RIF1: variants seen among roughly 807,000 people sequenced by gnomAD.
The protein encoded by RIF1 is replication timing regulatory factor 1.
In RIF1, 45 loss-of-function variants were observed where a neutral mutation model predicts 247.1. The ratio of observed to expected loss-of-function variants is 0.18; its 90% CI spans 0.14 to 0.23. The LOEUF is 0.23. Ranked by LOEUF, RIF1 falls within the 10% of genes least tolerant of loss-of-function variation. The probability of loss-of-function intolerance (pLI) is 1.00; values close to 1 mark genes in which losing one functional copy is unlikely to be tolerated. For synonymous variants in RIF1, 1,087 were observed against 978.8 expected, an observed-to-expected ratio of 1.11 and a Z score of -2.06; for missense variants, 2,967 against 2,862.5, an observed-to-expected ratio of 1.04 and a Z score of -0.83.
At chr2:151,431,520 G>A (rs771546228) in intron 9 of RIF1, among the ~76,000 whole-genome samples, 15 of 152,174 alleles carry the variant, frequency 9.9e-5, no homozygotes, top group Non-Finnish European at 1.9e-4. Flanking sequence ...GAGTCCAGAC[G>A]TGGTGGCTCA....
intron 12 of RIF1, chr2:151,503,192 C>T: frequency 1.6e-6 from 1 of 615,588 alleles, no homozygotes; most frequent in Non-Finnish European, 2.8e-6. Context: ...AAATGTGAGT[C>T]ATTTTGTATT....
exon 14 of RIF1, chr2:151,507,838 G>C (rs1239744001): frequency 1.5e-5 from 9 of 597,372 alleles, no homozygotes; most frequent in Non-Finnish European, 2.7e-5. Context: ...TTGGGATTAA[G>C]ATACAAGGTG....
At chr2:151,453,890 A>G (rs759675959) in intron 21 of RIF1, among the ~76,000 whole-genome samples, 1 of 152,120 alleles carries the variant, frequency 6.6e-6, no homozygotes, top group Non-Finnish European at 1.5e-5. Context: ...GGATTATGCT[A>G]TTCATTCCTT....
Position 151,505,822 on chromosome 2 carries a change from C to T in RIF1, c.*862-388C>T, listed in dbSNP as rs576375058. 144 of 554,020 alleles carry T rather than the reference C, an allele frequency of 2.6e-4. 1 individual carries two copies. In the African/African-American group the frequency reaches 2.6e-3, roughly 10 times the overall value. The allele number at this position is 554,020 out of a possible 1,614,324, so 34.3% of individuals were successfully genotyped here. A position where few individuals can be genotyped will look rare whatever the true frequency, so the allele number is the denominator to read the frequency against. ...TGGGGGCCCCTATTTAGACTGCAGCCCTTTCCTGTATACTCCAATGTCTTT... is the reference window on the plus strand; with the variant it reads ...TGGGGGCCCCTATTTAGACTGCAGCTCTTTCCTGTATACTCCAATGTCTTT... On this transcript the variant is annotated intron_variant and NMD_transcript_variant, in intron 12 of 13. Coordinates refer to the RIF1 transcript ENST00000454583.
rs11549865 is a variant in RIF1 at position 151,480,753 on chromosome 2, G to A, written c.*5682G>A. On this transcript the variant is annotated 3_prime_UTR_variant, in exon 36 of 36. Coordinates refer to ENST00000444746, the MANE Select transcript of RIF1 (RefSeq NM_018151.5). ...TGATACACTATTGAATAGCTAACAA[G>A]TGTCTAAAGAATTTTTTATTTTTAT... 6.6e-6 allele frequency: 1 copy of A among 152,038 alleles called. No homozygotes were observed. The highest frequency in any genetic ancestry group is 2.4e-5 in the African/African-American group (1 of 41,420). The allele number at this position is 152,038 out of a possible 1,614,324, so 9.4% of individuals were successfully genotyped here.
rs202042772 is a variant in RIF1, at chr2:151,428,776, C to A, written c.787-8C>A. 1.9e-5 allele frequency: 31 copies of A among 1,595,856 alleles called. No homozygotes were observed. In the East Asian group the frequency reaches 6.9e-4, roughly 36 times the overall value. ...AATAACTTCTTAATGATTTTTTCCCCTTTTTAGACCTTGCATCGAAGTGGG... is the reference window on the plus strand; with the variant it reads ...AATAACTTCTTAATGATTTTTTCCCATTTTTAGACCTTGCATCGAAGTGGG... On this transcript the variant is annotated splice_polypyrimidine_tract_variant and splice_region_variant and intron_variant, in intron 8 of 35. Transcript: ENST00000444746.
chr2:151,417,796 C>A (rs886823030), intron 6 of RIF1, among the ~76,000 whole-genome samples: 2 of 152,142 alleles, frequency 1.3e-5, no homozygotes, highest in East Asian at 3.9e-4. Flanking sequence ...GTAATTTCAT[C>A]ATTGTGCAAA....
In RIF1 at chr2:151,464,702, A is replaced by C; in HGVS notation, c.5182A>C (p.Arg1728=). The C allele has an allele frequency of 6.2e-7, 1 of 1,612,992 alleles. No homozygotes were observed. The highest frequency in any genetic ancestry group is 1.3e-5 in the African/African-American group (1 of 75,002). ...ACACAAGAGAAGTAGGAGGGTGAGG[A>C]GATCTAAAGGTTGTGATTGCTGTGG... ...CQHKRSRRVR[R]SKGCDCCGEK... The change falls in exon 30 of 36, where the codon AGA becomes CGA. Residue 1728 remains arginine (R), a synonymous_variant. Coordinates refer to ENST00000444746, the MANE Select transcript of RIF1 (RefSeq NM_018151.5).
At chr2:151,474,751 T>G in intron 35 of RIF1, 106 bp from the exon 36 acceptor site, 1 of 683,668 alleles carries the variant, frequency 1.5e-6, no homozygotes, top group Non-Finnish European at 2.5e-6. Context: ...TTAAGCCTGC[T>G]CTCTCAATTT....
chr2:151,420,829 A>G (rs929059512), intron 7 of RIF1, among the ~76,000 whole-genome samples: 1 of 152,098 alleles, frequency 6.6e-6, no homozygotes, highest in Non-Finnish European at 1.5e-5. Flanking sequence ...TAAGAGTTGC[A>G]TAAGTTAGCA....
Position 151,414,816 on chromosome 2 carries a change from T to C in RIF1, c.184-7T>C, listed in dbSNP as rs755495953. On this transcript the variant is annotated splice_region_variant and splice_polypyrimidine_tract_variant and intron_variant, in intron 3 of 35. Transcript: ENST00000444746. ...TGTTTGTAATAAATGTGATTTTGTTTTTGTAGACTCACATTTCCAGTCAAA... is the reference window on the plus strand; with the variant it reads ...TGTTTGTAATAAATGTGATTTTGTTCTTGTAGACTCACATTTCCAGTCAAA... The C allele has an allele frequency of 1.9e-6, 3 of 1,597,676 alleles. No homozygotes were observed. In the South Asian group the frequency reaches 3.4e-5, roughly 18 times the overall value.
At chr2:151,451,471 T>C (rs1694307123) in intron 20 of RIF1, 135 bp from the exon 21 acceptor site, 1 of 604,354 alleles carries the variant, frequency 1.7e-6, no homozygotes, top group Non-Finnish European at 3.0e-6. Context: ...CTGCACTTAA[T>C]GTACTGTAAG....
intron 8 of RIF1, chr2:151,423,327 A>G: frequency 3.4e-6 from 1 of 290,368 alleles, no homozygotes; most frequent in South Asian, 4.8e-5. Flanking sequence ...TTTAGTTCTC[A>G]TACCTTAAAC....
chr2:151,506,174 TGTG>T lies in RIF1; in HGVS notation c.*862-33_*862-31del, dbSNP rs1553598770. The stretch of plus-strand genomic sequence containing the variant: ...ATTCACTGTGTCTTTACCGAGCTAA[TGTG>T]GTCCTGTGTTTGTTTCACTCTCATC... On this transcript the variant is annotated intron_variant and NMD_transcript_variant, in intron 12 of 13. Coordinates refer to the RIF1 transcript ENST00000454583. The T allele has an allele frequency of 1.2e-6, 2 of 1,610,390 alleles. No homozygotes were observed. The highest frequency in any genetic ancestry group is 1.7e-6 in the Non-Finnish European group (2 of 1,176,536).
intron 9 of RIF1, chr2:151,491,157 A>G (rs2056301412): frequency 6.5e-6 from 1 of 154,944 alleles, no homozygotes; most frequent in Non-Finnish European, 1.4e-5. Flanking sequence ...CAGCCCCCTG[A>G]ACAGCTGGTA....
At chr2:151,429,013 G>T in intron 9 of RIF1, 91 bp downstream of exon 9, 1 of 818,894 alleles carries the variant, frequency 1.2e-6, no homozygotes, top group Non-Finnish European at 1.9e-6. Context: ...TGGATTTTAA[G>T]TTGAAGTTAA....
Position 151,420,320 on chromosome 2 carries a change from C to A in RIF1, c.634C>A (p.Pro212Thr), listed in dbSNP as rs755654892. The A allele has an allele frequency of 6.2e-7, 1 of 1,614,160 alleles. No individual in the cohort carries two copies. Among genetic ancestry groups the A allele is most frequent in the African/African-American group, 1.3e-5 (1 of 75,044 alleles). ...RGATALEMGM[P>T]LLLQKQQEIA... ...AGCAACTGCTCTGGAGATGGGAATG[C>A]CATTATTGCTTCAGAAACAGCAAGA... Residue 212 changes from proline (P) to threonine (T), a missense_variant, in exon 7 of 36, where the codon CCA becomes ACA. By Grantham distance (38) the Pro-to-Thr change is conservative. Around this residue, in one of 7 missense-constraint regions of RIF1, gnomAD observed 269 missense variants for 288.6 expected, o/e 0.93. Transcript: ENST00000444746.
intron 21 of RIF1, among the ~76,000 whole-genome samples, chr2:151,453,834 T>C (rs1694760575): frequency 6.6e-6 from 1 of 152,200 alleles, no homozygotes; most frequent in Admixed American, 6.5e-5. Flanking sequence ...GCACAATTAT[T>C]GCTTGTTTCT....
chr2:151,460,017 A>G lies in RIF1; in HGVS notation c.2973A>G (p.Leu991=). ...TAAAACAGACAGAAAATTCACAACT[A>G]AATGTGAAGATAAGTGGCATGGAGA... The part of the protein sequence containing the change: ...PYSDGTENSQ[L]NVKISGMERK... The change falls in exon 26 of 36, where the codon CTA becomes CTG. Residue 991 remains leucine, a synonymous_variant. Coordinates refer to ENST00000444746, the MANE Select transcript of RIF1 (RefSeq NM_018151.5). The G allele has an allele frequency of 6.5e-7, 1 of 1,545,210 alleles. No homozygotes were observed. Among genetic ancestry groups the G allele is most frequent in the South Asian group, 1.2e-5 (1 of 81,794 alleles).
Sources: gnomAD v4.1 joint callset for allele counts (sites outside exome capture counted in the v4.1 genomes callset) on GRCh38, gnomAD v4.1.1 for gene constraint, gnomAD v4.1.1 regional missense constraint, MANE v1.5 for transcripts, NCBI Gene and HGNC (gene_info 2026-07-23, HGNC 2026-07-21) for gene names.